The following FBXL17 variants were observed in gnomAD, a reference collection of about 807,000 sequenced individuals.
FBXL17 encodes the protein F-box and leucine rich repeat protein 17, also known as F-box/LRR-repeat protein 17.
A neutral mutation model predicts 66.2 loss-of-function variants in FBXL17; 22 were observed. The ratio of observed to expected loss-of-function variants is 0.33; its 90% CI spans 0.24 to 0.47. The LOEUF is 0.47. FBXL17 is among the 20% of genes least tolerant of loss of function. FBXL17 has a pLI of 1.00. For missense variants in FBXL17, 878 were observed against 948.2 expected (o/e 0.93, Z 0.97); for synonymous variants, 474 against 400.5 (o/e 1.18, Z -2.19).
At chr5:108,291,468 C>CT (rs1758111530) in intron 4 of FBXL17, among the ~76,000 whole-genome samples, 1 of 151,676 alleles carries the variant, frequency 6.6e-6, no homozygotes, top group African/African-American at 2.4e-5. Flanking sequence ...AAACAGTTGC[C>CT]TTAAGTGTGA....
intron 7 of FBXL17, among the ~76,000 whole-genome samples, chr5:107,929,144 T>C (rs966699708): frequency 1.3e-5 from 2 of 152,190 alleles, no homozygotes; most frequent in African/African-American, 4.8e-5. Context: ...CTGTCAATAT[T>C]GAAAACTGTG....
intron 7 of FBXL17, among the ~76,000 whole-genome samples, chr5:107,984,298 T>G (rs575215921): frequency 8.5e-5 from 13 of 152,188 alleles, no homozygotes; most frequent in Non-Finnish European, 1.5e-4. Context: ...TTTCAAGCTA[T>G]TAAATTATGT....
chr5:107,919,589 A>G (rs183975856), intron 7 of FBXL17, among the ~76,000 whole-genome samples: 4 of 152,230 alleles, frequency 2.6e-5, no homozygotes, highest in Admixed American at 2.0e-4. Context: ...ACTCCACTCC[A>G]GCTACACTGC....
intron 6 of FBXL17, among the ~76,000 whole-genome samples, chr5:108,067,323 A>G (rs1295732679): frequency 6.6e-6 from 1 of 152,124 alleles, no homozygotes; most frequent in Non-Finnish European, 1.5e-5. Flanking sequence ...TCTGGGCACT[A>G]TATCATTTTG....
chr5:107,950,201 A>G (rs1309318640), intron 7 of FBXL17, among the ~76,000 whole-genome samples: 1 of 152,178 alleles, frequency 6.6e-6, no homozygotes, highest in African/African-American at 2.4e-5. Flanking sequence ...GCAACCAGAG[A>G]GGACCCTATA....
chr5:107,999,956 G>A (rs1357414247), intron 7 of FBXL17, among the ~76,000 whole-genome samples: 1 of 152,166 alleles, frequency 6.6e-6, no homozygotes, highest in Non-Finnish European at 1.5e-5. Context: ...AGGCAAGAAA[G>A]ACAAGGTGGG....
intron 5 of FBXL17, among the ~76,000 whole-genome samples, chr5:108,205,288 A>G (rs1487270066): frequency 6.6e-6 from 1 of 152,102 alleles, no homozygotes; most frequent in African/African-American, 2.4e-5. Context: ...TCCCTTTGTA[A>G]TATTTTAAAC....
chr5:107,873,057 T>TG (rs1373005913), intron 8 of FBXL17, among the ~76,000 whole-genome samples: 2 of 152,108 alleles, frequency 1.3e-5, no homozygotes, highest in Admixed American at 1.3e-4. Flanking sequence ...AGTGGCATGG[T>TG]GGGGATGGAA....
At chr5:108,265,847 T>C (rs923739308) in intron 4 of FBXL17, among the ~76,000 whole-genome samples, 2 of 152,184 alleles carry the variant, frequency 1.3e-5, no homozygotes, top group Non-Finnish European at 1.5e-5. Flanking sequence ...TTCCTGCATT[T>C]CTAACAAACT....
At chr5:108,226,382 CTTTA>C (rs1487563425) in intron 4 of FBXL17, among the ~76,000 whole-genome samples, 1 of 151,998 alleles carries the variant, frequency 6.6e-6, no homozygotes, top group Non-Finnish European at 1.5e-5. Context: ...TTTACTTCTA[CTTTA>C]TTTTATTTTT....
chr5:108,265,059 AAAG>A (rs1446891110), intron 4 of FBXL17, among the ~76,000 whole-genome samples: 1 of 152,116 alleles, frequency 6.6e-6, no homozygotes, highest in African/African-American at 2.4e-5. Flanking sequence ...AAAATCTTTA[AAAG>A]AAGCAACAGA....
intron 7 of FBXL17, among the ~76,000 whole-genome samples, chr5:107,954,094 T>C (rs1751585105): frequency 6.6e-6 from 1 of 152,230 alleles, no homozygotes; most frequent in Admixed American, 6.5e-5. Flanking sequence ...CTCTAAAACA[T>C]GAATAAAATG....
intron 4 of FBXL17, among the ~76,000 whole-genome samples, chr5:108,272,443 T>C (rs1757316096): frequency 6.6e-6 from 1 of 151,874 alleles, no homozygotes; most frequent in South Asian, 2.1e-4. Context: ...AGCCACCACC[T>C]TCCAGGTTCA....
rs570668643 is a variant in FBXL17 at position 108,167,123 on chromosome 5, CAGAT to C, written c.1745+18990_1745+18993del. Among the ~76,000 whole-genome samples, 356 of 152,114 alleles carry C rather than the reference CAGAT, an allele frequency of 2.3e-3. 5 individuals are homozygous for C. Among genetic ancestry groups the C allele is most frequent in the African/African-American group, 8.2e-3 (342 of 41,522 alleles). On this transcript the variant is annotated intron_variant, in intron 6 of 8. Transcript: ENST00000542267. ...GCACTTTGTCCATTTAATCTGAAAA[CAGAT>C]AGTATAATGAGTACACTATAATTGT...
At chr5:107,918,009 C>T (rs1041359405) in intron 7 of FBXL17, among the ~76,000 whole-genome samples, 4 of 152,292 alleles carry the variant, frequency 2.6e-5, no homozygotes, top group Admixed American at 1.3e-4. Context: ...ATCATTGAAA[C>T]GTTAATAACA....
chr5:108,123,225 C>T (rs1157203464), intron 6 of FBXL17, among the ~76,000 whole-genome samples: 1 of 151,852 alleles, frequency 6.6e-6, no homozygotes, highest in Non-Finnish European at 1.5e-5. Context: ...TAAGTTTCCC[C>T]AAGAATTGCT....
intron 6 of FBXL17, among the ~76,000 whole-genome samples, chr5:108,098,286 G>A (rs114036383): frequency 6.6e-6 from 1 of 152,066 alleles, no homozygotes; most frequent in African/African-American, 2.4e-5. Context: ...AGGGTAGCTT[G>A]AACTCAGATG....
intron 4 of FBXL17, among the ~76,000 whole-genome samples, chr5:108,327,533 CA>C (rs1245117503): frequency 2.6e-5 from 4 of 150,952 alleles, no homozygotes; most frequent in South Asian, 4.2e-4. Flanking sequence ...GACACCAAGG[CA>C]AAAAAAATGA....
At chr5:108,030,750 T>G (rs1469142777) in intron 6 of FBXL17, among the ~76,000 whole-genome samples, 1 of 151,988 alleles carries the variant, frequency 6.6e-6, no homozygotes, top group Non-Finnish European at 1.5e-5. Context: ...TCAGGAGAAA[T>G]AGTTTATTAT....
Sources: allele counts gnomAD v4.1 joint callset (sites outside exome capture counted in the v4.1 genomes callset), GRCh38; gene constraint gnomAD v4.1.1; transcripts MANE v1.5; gene names NCBI Gene and HGNC (gene_info 2026-07-23, HGNC 2026-07-21).